The following EIF4G3 variants were observed in gnomAD, a reference collection of about 807,000 sequenced individuals.
The protein encoded by EIF4G3 is eIF-4-gamma 3.
In EIF4G3, 34 loss-of-function variants were observed where a neutral mutation model predicts 186.4. The observed-to-expected ratio is 0.18, with a 90% confidence interval of 0.14 to 0.24. The LOEUF (loss-of-function observed/expected upper bound fraction) is 0.24, where lower values mean the gene tolerates loss of function less well. Ranked by LOEUF, EIF4G3 falls within the 10% of genes least tolerant of loss-of-function variation. The pLI, the probability that EIF4G3 is intolerant of heterozygous loss-of-function variation, is 1.00. For synonymous variants in EIF4G3, 673 were observed against 679.5 expected, an observed-to-expected ratio of 0.99 and a Z score of 0.15; for missense variants, 1,536 against 1,948.5, an observed-to-expected ratio of 0.79 and a Z score of 3.99.
intron 3 of EIF4G3, among the ~76,000 whole-genome samples, chr1:21,071,627 T>C (rs996105010): frequency 2.0e-5 from 3 of 151,968 alleles, no homozygotes; most frequent in East Asian, 1.9e-4. Context: ...AGGTCAGGCA[T>C]TGAAGACCAG....
intron 3 of EIF4G3, among the ~76,000 whole-genome samples, chr1:21,065,487 T>C (rs1055094728): frequency 5.9e-5 from 9 of 151,340 alleles, no homozygotes; most frequent in Non-Finnish European, 1.3e-4. Context: ...AGCCCAGAAG[T>C]TGCAGCAAGC....
At chr1:21,024,185 C>CG (rs1557580126) in intron 4 of EIF4G3, among the ~76,000 whole-genome samples, 1 of 150,814 alleles carries the variant, frequency 6.6e-6, no homozygotes, top group Non-Finnish European at 1.5e-5. Context: ...GTCAGCCCCC[C>CG]GCCCGGCCAG....
chr1:20,869,774 CAA>C (rs35907806), intron 20 of EIF4G3, among the ~76,000 whole-genome samples: 8,208 of 47,670 alleles, frequency 0.17, 153 homozygotes, highest in East Asian at 0.36. Flanking sequence ...GACTACGTCT[CAA>C]AAAAAAAAAA....
chr1:21,017,219 CAA>C (rs1006474519), intron 4 of EIF4G3, among the ~76,000 whole-genome samples: 16 of 152,110 alleles, frequency 1.1e-4, no homozygotes, highest in African/African-American at 3.9e-4. Context: ...CACAAGAAAA[CAA>C]ATACTGTTTG....
chr1:20,955,441 C>G (rs556895181), intron 12 of EIF4G3, among the ~76,000 whole-genome samples: 5 of 152,050 alleles, frequency 3.3e-5, no homozygotes, highest in African/African-American at 1.2e-4. Flanking sequence ...CAGTATTTTG[C>G]CTGGGCTAGT....
At position 20,859,213 on chromosome 1, in the gene EIF4G3, T is replaced by C. The variant is rs140839865; in HGVS notation, c.3244+1172A>G. On this transcript the variant is annotated intron_variant, in intron 24 of 36. Coordinates refer to ENST00000602326, the MANE Select transcript of EIF4G3 (RefSeq NM_001391906.1). ...TTTTCCAAGAGTTCTTTTCTTCCTT[T>C]AGTCATATGTGAATATCCTCCATGA... Among the ~76,000 whole-genome samples the C allele has an allele frequency of 8.3e-4, 126 of 152,372 alleles. 1 individual carries two copies. The highest frequency in any genetic ancestry group is 1.2e-3 in the Non-Finnish European group (80 of 68,032).
intron 2 of EIF4G3, among the ~76,000 whole-genome samples, chr1:21,090,165 T>A (rs920750897): frequency 6.6e-6 from 1 of 152,214 alleles, no homozygotes; most frequent in African/African-American, 2.4e-5. Context: ...AAACTATTAG[T>A]AAGATTACAT....
chr1:21,113,051 T>C lies in EIF4G3; in HGVS notation c.-271-23838A>G, dbSNP rs116431086. ...GCTCATGCCTGTAATCCCAGCACTT[T>C]GGGAGGCTGAGAATGGCTTGAGCCC... On this transcript the variant is annotated intron_variant, in intron 2 of 36. Coordinates refer to ENST00000602326, the MANE Select transcript of EIF4G3 (RefSeq NM_001391906.1). 3.3e-3 allele frequency among the ~76,000 whole-genome samples: 494 copies of C among 150,016 alleles called. 1 individual carries two copies. The highest frequency in any genetic ancestry group is 0.012 in the African/African-American group (477 of 40,594).
At chr1:21,055,918 T>C (rs979104344) in intron 3 of EIF4G3, among the ~76,000 whole-genome samples, 3 of 152,114 alleles carry the variant, frequency 2.0e-5, no homozygotes, top group Non-Finnish European at 4.4e-5. Context: ...TACTGACATA[T>C]ACTAAAGAAT....
chr1:20,808,487 C>T (rs1450208417), intron 36 of EIF4G3, among the ~76,000 whole-genome samples: 1 of 151,838 alleles, frequency 6.6e-6, no homozygotes, highest in Non-Finnish European at 1.5e-5. Flanking sequence ...CGAGACCATC[C>T]TGGCTAACAC....
chr1:20,807,392 C>G lies in EIF4G3; in HGVS notation c.4853G>C (p.Gly1618Ala). ...TGCCGTGACAGATTTCAGAGCCACGCCCTTCCCATTCTGCTCTGCAGGGTC... is the reference window on the plus strand; with the variant it reads ...TGCCGTGACAGATTTCAGAGCCACGGCCTTCCCATTCTGCTCTGCAGGGTC... ...SKDPAEQNGK[G>A]VALKSVTAFF... Residue 1618 changes from glycine (G) to alanine (A), a missense_variant, in exon 37 of 37, where the codon GGC (glycine) becomes GCC (alanine). By Grantham distance (60) the Gly-to-Ala change is moderately conservative. Around this residue, in one of 11 missense-constraint regions of EIF4G3, gnomAD observed 45 missense variants for 99.1 expected, o/e 0.45. Coordinates refer to ENST00000602326, the MANE Select transcript of EIF4G3 (RefSeq NM_001391906.1). 6.2e-7 allele frequency: 1 copy of G among 1,612,360 alleles called. No individual in the cohort carries two copies. The highest frequency in any genetic ancestry group is 1.1e-5 in the South Asian group (1 of 90,852).
At chr1:21,153,341 T>TAG (rs1258624455) in intron 2 of EIF4G3, among the ~76,000 whole-genome samples, 6 of 152,222 alleles carry the variant, frequency 3.9e-5, no homozygotes, top group African/African-American at 1.2e-4. Flanking sequence ...AACTATCTAC[T>TAG]ATGACAGCTA....
At chr1:21,040,864 T>G (rs1489774049) in intron 4 of EIF4G3, among the ~76,000 whole-genome samples, 1 of 152,156 alleles carries the variant, frequency 6.6e-6, no homozygotes, top group Non-Finnish European at 1.5e-5. Context: ...CCAGCAGCCA[T>G]ACTTCAACCA....
intron 15 of EIF4G3, among the ~76,000 whole-genome samples, chr1:20,903,756 A>G (rs931282136): frequency 6.6e-6 from 1 of 152,246 alleles, no homozygotes; most frequent in African/African-American, 2.4e-5. Context: ...AGATACCCAA[A>G]GAAGGTAAGA....
chr1:20,829,930 A>G (rs2064665919), intron 30 of EIF4G3, among the ~76,000 whole-genome samples: 1 of 152,252 alleles, frequency 6.6e-6, no homozygotes. Flanking sequence ...ACTTAGGAAA[A>G]TCAAATATAA....
At chr1:20,991,212 A>C (rs555170041) in intron 7 of EIF4G3, among the ~76,000 whole-genome samples, 1 of 152,324 alleles carries the variant, frequency 6.6e-6, no homozygotes. Context: ...GGGATATGGA[A>C]GCCCTAGAGC....
At chr1:20,858,298 C>G (rs1468791467) in intron 24 of EIF4G3, among the ~76,000 whole-genome samples, 3 of 152,178 alleles carry the variant, frequency 2.0e-5, no homozygotes, top group Non-Finnish European at 2.9e-5. Flanking sequence ...TCTTCTACCA[C>G]TCTCCCCGTC....
rs190671568 is a variant in EIF4G3 at position 21,155,987 on chromosome 1, C to T, written c.-272+20188G>A. On this transcript the variant is annotated intron_variant, in intron 2 of 36. Transcript: ENST00000602326. ...ACTAAAAATACAAAAATTAGCTGGG[C>T]GTGGTGGCACATGCCTATAGTCCCA... 2.4e-3 allele frequency among the ~76,000 whole-genome samples: 364 copies of T among 151,968 alleles called. 2 individuals carry two copies. The highest frequency in any genetic ancestry group is 4.5e-3 in the Non-Finnish European group (305 of 67,970).
chr1:21,146,834 T>C (rs1465042900), intron 2 of EIF4G3, among the ~76,000 whole-genome samples: 1 of 152,136 alleles, frequency 6.6e-6, no homozygotes, highest in Non-Finnish European at 1.5e-5. Flanking sequence ...GAAAAATTAA[T>C]AGTCACAAGG....
Sources: gnomAD v4.1 joint callset for allele counts (sites outside exome capture counted in the v4.1 genomes callset) on GRCh38, gnomAD v4.1.1 for gene constraint, gnomAD v4.1.1 regional missense constraint, MANE v1.5 for transcripts, NCBI Gene and HGNC (gene_info 2026-07-23, HGNC 2026-07-21) for gene names.